The following MEIS1 variants were observed in gnomAD, a reference collection of about 807,000 sequenced individuals.
MEIS1 encodes homeobox protein Meis1.
Under a neutral mutation model 50.8 loss-of-function variants are expected in MEIS1, and 5 were observed. The observed-to-expected ratio is 0.10, with a 90% CI of 0.05 to 0.21. The LOEUF (loss-of-function observed/expected upper bound fraction) is 0.21. MEIS1 is among the 10% of genes least tolerant of loss of function. The pLI is 1.00. For synonymous variants in MEIS1, 176 were observed against 179.3 expected (o/e 0.98, Z 0.15); for missense variants, 318 against 517.3 (o/e 0.61, Z 3.74).
chr2:66,444,445 C>A (rs1394566252), intron 6 of MEIS1, among the ~76,000 whole-genome samples: 1 of 152,236 alleles, frequency 6.6e-6, no homozygotes, highest in Non-Finnish European at 1.5e-5. Context: ...TCTGGGCAAT[C>A]CCCGCGACAT....
chr2:66,525,193 G>T (rs868648749), intron 8 of MEIS1, among the ~76,000 whole-genome samples: 2 of 151,882 alleles, frequency 1.3e-5, no homozygotes, highest in Non-Finnish European at 2.9e-5. Flanking sequence ...ATCCTGGGCG[G>T]CAGAGTGAGA....
intron 6 of MEIS1, among the ~76,000 whole-genome samples, chr2:66,447,997 G>A (rs969591724): frequency 2.0e-5 from 3 of 152,094 alleles, no homozygotes; most frequent in South Asian, 2.1e-4. Flanking sequence ...CATTCAAATA[G>A]CAATTCTTCC....
chr2:66,525,076 G>T (rs1674215057), intron 8 of MEIS1, among the ~76,000 whole-genome samples: 1 of 152,012 alleles, frequency 6.6e-6, no homozygotes. Flanking sequence ...AGCCTGGTGT[G>T]GCGGGGCACG....
intron 9 of MEIS1, among the ~76,000 whole-genome samples, chr2:66,566,106 G>A (rs2103971112): frequency 6.6e-6 from 1 of 152,172 alleles, no homozygotes; most frequent in Admixed American, 6.5e-5. Flanking sequence ...TAGCAGTTCA[G>A]GGACTTCATA....
chr2:66,540,401 T>C (rs1226437669), intron 8 of MEIS1, among the ~76,000 whole-genome samples: 1 of 152,104 alleles, frequency 6.6e-6, no homozygotes. Flanking sequence ...CTCCACCTCC[T>C]GGGTTCAAGT....
intron 1 of MEIS1, 91 bp downstream of exon 1, chr2:66,435,959 C>T (rs1174189433): frequency 6.6e-6 from 8 of 1,205,960 alleles, no homozygotes; most frequent in Non-Finnish European, 7.9e-6. Flanking sequence ...CTTTTTTTCT[C>T]TCTCTCTTTT....
chr2:66,504,795 C>T (rs1175213650), intron 7 of MEIS1, among the ~76,000 whole-genome samples: 2 of 152,190 alleles, frequency 1.3e-5, no homozygotes, highest in African/African-American at 4.8e-5. Context: ...TTAGCTCTGC[C>T]ACAGTAGGTT....
In MEIS1 at chr2:66,573,495, G is replaced by A. The variant is rs1362929928; in HGVS notation, c.*2287G>A. 6.6e-6 allele frequency: 1 copy of A among 152,150 alleles called. No homozygotes were observed. Among genetic ancestry groups the A allele is most frequent in the Non-Finnish European group, 1.5e-5 (1 of 68,034 alleles). 9.4% of individuals were successfully genotyped at this position (152,150 alleles called of 1,614,324 possible). On this transcript the variant is annotated 3_prime_UTR_variant, in exon 13 of 13. Coordinates refer to ENST00000272369, the MANE Select transcript of MEIS1 (RefSeq NM_002398.3). The stretch of plus-strand genomic sequence containing the variant: ...TCAGGCCCAAGTCACCCTATAAACC[G>A]GCCCTTAGCAATTCTATTTTCTATT...
At chr2:66,567,677 C>A in intron 10 of MEIS1, 166 bp downstream of exon 10, 2 of 713,740 alleles carry the variant, frequency 2.8e-6, no homozygotes, top group East Asian at 2.7e-5. Flanking sequence ...ATCAATTTAA[C>A]ATCATTATAA....
In MEIS1 at chr2:66,487,029, G is replaced by C. The variant is rs150572627; in HGVS notation, c.742+22809G>C. Among the ~76,000 whole-genome samples the C allele has an allele frequency of 3.9e-3, 600 of 152,278 alleles. 6 individuals are homozygous for C. The highest frequency in any genetic ancestry group is 0.013 in the African/African-American group (557 of 41,564). ...TGGGGTTTTCTAAATATACAATCAT[G>C]TCATCTGCAAACAGAGATAATTTGA... On this transcript the variant is annotated intron_variant, in intron 7 of 12. Transcript: ENST00000272369.
intron 10 of MEIS1, chr2:66,567,786 A>C: frequency 2.1e-6 from 1 of 480,216 alleles, no homozygotes; most frequent in East Asian, 3.0e-5. Flanking sequence ...CAATATATTA[A>C]TGTTATTTTT....
At position 66,559,341 on chromosome 2, in the gene MEIS1, C is replaced by T. The variant is rs191393063; in HGVS notation, c.966-8112C>T. On this transcript the variant is annotated intron_variant, in intron 9 of 12. Transcript: ENST00000272369. Reference sequence around the variant, plus strand: ...GAGGCTCATGGTTTATGCCTGTTGCCCAGTGTAATTGTTAACAGTGCCTCT... The same window carrying T: ...GAGGCTCATGGTTTATGCCTGTTGCTCAGTGTAATTGTTAACAGTGCCTCT... 2.6e-5 allele frequency among the ~76,000 whole-genome samples: 4 copies of T among 152,210 alleles called. No individual in the cohort carries two copies. In the East Asian group the frequency reaches 7.7e-4, roughly 29 times the overall value.
Position 66,437,976 on chromosome 2 carries a change from G to C in MEIS1, c.239+13G>C. ...ATGCCATTTATGGGTAGGTACAATG[G>C]GCAGCAGGTTAAGTAGTTGAGACTC... is the stretch of plus-strand genomic sequence containing the variant. On this transcript the variant is annotated intron_variant, in intron 2 of 12. Coordinates refer to ENST00000272369, the MANE Select transcript of MEIS1 (RefSeq NM_002398.3). The C allele has an allele frequency of 1.3e-6, 2 of 1,552,604 alleles. No homozygotes were observed. The highest frequency in any genetic ancestry group is 2.4e-5 in the East Asian group (1 of 41,182).
At chr2:66,512,039 A>G in intron 7 of MEIS1, 110 bp from the exon 8 acceptor site, 1 of 1,225,906 alleles carries the variant, frequency 8.2e-7, no homozygotes. Context: ...CAAAGAAACT[A>G]TTAATCATTT....
At chr2:66,502,727 C>A (rs944085052) in intron 7 of MEIS1, among the ~76,000 whole-genome samples, 7 of 152,160 alleles carry the variant, frequency 4.6e-5, no homozygotes, top group African/African-American at 1.7e-4. Context: ...GGGAGGGATA[C>A]TATGCAGTGG....
intron 8 of MEIS1, among the ~76,000 whole-genome samples, chr2:66,533,237 C>T (rs1674437099): frequency 4.6e-5 from 7 of 152,166 alleles, no homozygotes; most frequent in Admixed American, 4.6e-4. Context: ...GACTTCCAAC[C>T]ACCAAAAGAC....
At chr2:66,440,655 T>A in intron 4 of MEIS1, 43 bp downstream of exon 4, 1 of 972,000 alleles carries the variant, frequency 1.0e-6, no homozygotes, top group Non-Finnish European at 1.3e-6. Flanking sequence ...CCCGACCCCC[T>A]ACCTCCCACC....
chr2:66,525,033 G>A (rs1054137113), intron 8 of MEIS1, among the ~76,000 whole-genome samples: 2 of 152,056 alleles, frequency 1.3e-5, no homozygotes, highest in African/African-American at 4.8e-5. Context: ...GGGCAACATG[G>A]TGAAACCCTG....
At chr2:66,528,404 C>T (rs867411110) in intron 8 of MEIS1, among the ~76,000 whole-genome samples, 8 of 152,118 alleles carry the variant, frequency 5.3e-5, no homozygotes, top group Middle Eastern at 6.8e-3. Flanking sequence ...GTAAGAAAGT[C>T]GAAGAATCCA....
Sources: allele counts gnomAD v4.1 joint callset (sites outside exome capture counted in the v4.1 genomes callset), GRCh38; gene constraint gnomAD v4.1.1; transcripts MANE v1.5; gene names NCBI Gene and HGNC (gene_info 2026-07-23, HGNC 2026-07-21).